The following PABPC4 variants were observed in gnomAD, a reference collection of about 807,000 sequenced individuals.
PABPC4 encodes poly(A) binding protein cytoplasmic 4.
PABPC4 carries 15 observed loss-of-function variants against 74.5 expected under a neutral mutation model. The observed-to-expected ratio is 0.20, with a 90% CI of 0.13 to 0.31. PABPC4 has a LOEUF of 0.31. PABPC4 is among the 10% of genes least tolerant of loss of function. The pLI is 1.00. For synonymous variants in PABPC4, 345 were observed against 303.0 expected, an observed-to-expected ratio of 1.14 and a Z score of -1.44; for missense variants, 610 against 853.5, an observed-to-expected ratio of 0.71 and a Z score of 3.55.
At chr1:39,572,745 T>C (rs1481674854) in intron 1 of PABPC4, 159 bp from the exon 2 acceptor site, 11 of 550,186 alleles carry the variant, frequency 2.0e-5, no homozygotes, top group Non-Finnish European at 3.5e-5. Context: ...CAGCCTGCAC[T>C]GTTAGTAAGG....
chr1:39,568,198 A>G (rs182169165), intron 6 of PABPC4: 122 of 179,558 alleles, frequency 6.8e-4, no homozygotes, highest in African/African-American at 2.7e-3. Flanking sequence ...CGGAGTTTGC[A>G]GTGAGCCGAG....
intron 15 of PABPC4, chr1:39,561,402 T>C (rs1299461088): frequency 1.0e-5 from 4 of 389,848 alleles, no homozygotes; most frequent in Non-Finnish European, 1.9e-5. Context: ...GTCCTTACCA[T>C]GTGCTTTTTC....
rs749051296 is a variant in PABPC4, at chr1:39,563,599, T to C, written c.1668+15A>G. ...GGGGGAAATCCTTTTAAGCATTCTGTCTGGTGAACCTCACCTGCAGAGGCT... is the reference window on the plus strand; with the variant it reads ...GGGGGAAATCCTTTTAAGCATTCTGCCTGGTGAACCTCACCTGCAGAGGCT... On this transcript the variant is annotated intron_variant, in intron 12 of 15. Coordinates refer to ENST00000372858, the MANE Select transcript of PABPC4 (RefSeq NM_001135653.2). 82 of 1,607,216 alleles carry C rather than the reference T, an allele frequency of 5.1e-5. No individual in the cohort carries two copies. The highest frequency in any genetic ancestry group is 1.7e-4 in the Middle Eastern group (1 of 5,742).
At chr1:39,564,327 A>G in intron 10 of PABPC4, 96 bp downstream of exon 10, 2 of 1,418,146 alleles carry the variant, frequency 1.4e-6, no homozygotes, top group Non-Finnish European at 1.9e-6. Flanking sequence ...AGGACTCGAT[A>G]AATTCGAGCC....
At position 39,576,020 on chromosome 1, in the gene PABPC4, G is replaced by C. The variant is rs551694550; in HGVS notation, c.-69C>G. On this transcript the variant is annotated 5_prime_UTR_variant, in exon 1 of 16. Coordinates refer to ENST00000372858, the MANE Select transcript of PABPC4 (RefSeq NM_001135653.2). ...TATCGGGCCCGCCGCAGGACAAAGG[G>C]GCGCCTTCGGAGCCCGGGCCCGCGC... 3.6e-6 allele frequency: 4 copies of C among 1,102,918 alleles called. No homozygotes were observed. In the East Asian group the frequency reaches 1.3e-4, roughly 35 times the overall value. 68.3% of individuals were successfully genotyped at this position (1,102,918 alleles called of 1,614,324 possible).
At position 39,568,943 on chromosome 1, in the gene PABPC4, G is replaced by T. The variant is rs374778767; in HGVS notation, c.739-4C>A. 37 of 1,607,000 alleles carry T rather than the reference G, an allele frequency of 2.3e-5. No homozygotes were observed. The highest frequency in any genetic ancestry group is 3.1e-5 in the Non-Finnish European group (36 of 1,177,916). On this transcript the variant is annotated splice_polypyrimidine_tract_variant and splice_region_variant and intron_variant, in intron 5 of 15. Transcript: ENST00000372858. Reference sequence around the variant, plus strand: ...TTCCATTCATCTCTTCCACAGCCTAGAGAGGAAAAATATGTCTTTAAAATA... The same window carrying T: ...TTCCATTCATCTCTTCCACAGCCTATAGAGGAAAAATATGTCTTTAAAATA...
chr1:39,561,835 C>T (rs749932273), intron 14 of PABPC4, 48 bp from the exon 15 acceptor site: 3 of 1,522,826 alleles, frequency 2.0e-6, no homozygotes, highest in Admixed American at 1.7e-5. Context: ...AGCTACTCCA[C>T]CCCTCCCCAG....
At chr1:39,566,959 G>A (rs1051980110) in intron 7 of PABPC4, among the ~76,000 whole-genome samples, 2 of 152,128 alleles carry the variant, frequency 1.3e-5, no homozygotes, top group African/African-American at 4.8e-5. Flanking sequence ...AAGAGCCAGG[G>A]CAGGGCCACT....
intron 8 of PABPC4, 59 bp from the exon 9 acceptor site, chr1:39,564,832 T>TATCTC (rs1271242509): frequency 2.3e-6 from 3 of 1,316,628 alleles, no homozygotes; most frequent in African/African-American, 2.9e-5. Context: ...CCTAGAGAAG[T>TATCTC]ATCTCATCTC....
chr1:39,566,177 G>A (rs1400787674), intron 7 of PABPC4, among the ~76,000 whole-genome samples: 1 of 152,124 alleles, frequency 6.6e-6, no homozygotes, highest in Non-Finnish European at 1.5e-5. Context: ...GCTACTCCGG[G>A]TAACCACAAA....
chr1:39,561,005 A>G lies in PABPC4; in HGVS notation c.*131T>C. The G allele has an allele frequency of 2.6e-6, 1 of 389,124 alleles. No homozygotes were observed. The highest frequency in any genetic ancestry group is 5.4e-6 in the Non-Finnish European group (1 of 185,264). 24.1% of individuals were successfully genotyped at this position (389,124 alleles called of 1,614,324 possible). A position where few individuals can be genotyped will look rare whatever the true frequency, so the allele number is the denominator to read the frequency against. Reference sequence around the variant, plus strand: ...GGTGCTTCATAATTGACCTTTTGATACAAAATGACCTATTAAATTTGCAAT... The same window carrying G: ...GGTGCTTCATAATTGACCTTTTGATGCAAAATGACCTATTAAATTTGCAAT... On this transcript the variant is annotated 3_prime_UTR_variant, in exon 16 of 16. Transcript: ENST00000372858.
In PABPC4 at chr1:39,565,208, C is replaced by G; in HGVS notation, c.1143G>C (p.Gln381His). The G allele has an allele frequency of 1.2e-6, 2 of 1,614,236 alleles. No homozygotes were observed. The highest frequency in any genetic ancestry group is 8.5e-7 in the Non-Finnish European group (1 of 1,180,038). ...TCATTCCAGCCACTCGTTGCATATA[C>G]TGGTTGGTCAGGTGAGCCTTTCTCT... ...KEERKAHLTN[Q>H]YMQRVAGMRA... The change falls in exon 8 of 16, where the codon CAG becomes CAC. Residue 381 changes from glutamine to histidine, a missense_variant. Transcript: ENST00000372858.
At chr1:39,571,922 G>A (rs781759090) in intron 2 of PABPC4, among the ~76,000 whole-genome samples, 1 of 152,142 alleles carries the variant, frequency 6.6e-6, no homozygotes, top group African/African-American at 2.4e-5. Flanking sequence ...TGCAAACCAC[G>A]GTGATGCAGA....
chr1:39,570,293 G>T (rs966374365), intron 3 of PABPC4, among the ~76,000 whole-genome samples: 3 of 152,218 alleles, frequency 2.0e-5, no homozygotes, highest in African/African-American at 7.2e-5. Flanking sequence ...GTTCATTTCT[G>T]TGCAACTATG....
At chr1:39,574,076 C>T (rs1645980634) in intron 1 of PABPC4, among the ~76,000 whole-genome samples, 1 of 152,194 alleles carries the variant, frequency 6.6e-6, no homozygotes, top group Non-Finnish European at 1.5e-5. Context: ...TTCCCCAACT[C>T]TGCCGCTCCA....
At chr1:39,571,558 T>C in intron 2 of PABPC4, 2 of 607,806 alleles carry the variant, frequency 3.3e-6, no homozygotes, top group Non-Finnish European at 5.9e-6. Context: ...GATGCTTCTA[T>C]TCCAAATGTT....
At chr1:39,568,452 T>C in intron 6 of PABPC4, 1 of 199,794 alleles carries the variant, frequency 5.0e-6, no homozygotes, top group Non-Finnish European at 9.9e-6. Context: ...TTGTCACCTC[T>C]CCCCACAGCT....
In PABPC4 at chr1:39,565,343, G is replaced by A; in HGVS notation, c.1008C>T (p.Gly336=). The change falls in exon 8 of 16, where the codon GGC becomes GGT. Residue 336 remains glycine (G), a synonymous_variant. Transcript: ENST00000372858. The part of the protein sequence containing the change: ...MLEDGRSKGF[G]FVCFSSPEEA... ...CTTCAGGAGATGAGAAGCAGACGAA[G>A]CCAAACCCTTTGCTTCTTCCATCCT... The A allele has an allele frequency of 6.2e-7, 1 of 1,613,500 alleles. No homozygotes were observed. The highest frequency in any genetic ancestry group is 8.5e-7 in the Non-Finnish European group (1 of 1,179,748).
chr1:39,565,285 G>A lies in PABPC4; in HGVS notation c.1066C>T (p.Arg356Cys), dbSNP rs745852417. The A allele has an allele frequency of 2.2e-5, 36 of 1,614,048 alleles. No individual in the cohort carries two copies. The highest frequency in any genetic ancestry group is 6.6e-5 in the South Asian group (6 of 91,090). Residue 356 changes from arginine (R) to cysteine (C), a missense_variant, in exon 8 of 16, where the codon CGC (arginine) becomes TGC (cysteine). Arg to Cys is a radical substitution (Grantham distance 180, BLOSUM62 -3). Transcript: ENST00000372858. ...TATAGTGGCTTGGAGCCCACAATGC[G>A]TCCATTCATCTCAGTGACTGCTTTG... ...ATKAVTEMNG[R>C]IVGSKPLYVA...
Sources: gnomAD v4.1 joint callset for allele counts (sites outside exome capture counted in the v4.1 genomes callset) on GRCh38, gnomAD v4.1.1 for gene constraint, MANE v1.5 for transcripts, NCBI Gene and HGNC (gene_info 2026-07-23, HGNC 2026-07-21) for gene names.